Variants in USP10 observed in about 807,000 individuals in gnomAD.
The protein encoded by USP10 is ubiquitin specific peptidase 10.
A neutral mutation model predicts 84.5 loss-of-function variants in USP10; 22 were observed. The observed-to-expected ratio is 0.26, with a 90% CI of 0.19 to 0.37. The LOEUF is 0.37. USP10 is among the 10% of genes least tolerant of loss of function. The probability of loss-of-function intolerance (pLI) is 1.00; values close to 1 mark genes in which losing one functional copy is unlikely to be tolerated. For missense variants in USP10, 1,019 were observed against 998.9 expected, an observed-to-expected ratio of 1.02 and a Z score of -0.27; for synonymous variants, 454 against 387.6, an observed-to-expected ratio of 1.17 and a Z score of -2.01.
chr16:84,751,855 A>G (rs1327235213), intron 4 of USP10, among the ~76,000 whole-genome samples: 1 of 152,188 alleles, frequency 6.6e-6, no homozygotes, highest in Non-Finnish European at 1.5e-5. Context: ...TATGACCCCT[A>G]AGTCCTAATT....
intron 2 of USP10, among the ~76,000 whole-genome samples, chr16:84,734,840 C>T (rs1021757467): frequency 4.6e-5 from 7 of 152,106 alleles, no homozygotes; most frequent in Non-Finnish European, 8.8e-5. Flanking sequence ...GAGGTGGCAT[C>T]GAACTCCCTG....
chr16:84,769,775 G>C lies in USP10; in HGVS notation c.1998+1417G>C, dbSNP rs116255115. Among the ~76,000 whole-genome samples, 1,214 of 152,074 alleles carry C rather than the reference G, an allele frequency of 8.0e-3. 11 individuals carry two copies. Among genetic ancestry groups the C allele is most frequent in the African/African-American group, 0.027 (1,132 of 41,436 alleles). On this transcript the variant is annotated intron_variant, in intron 11 of 13. Coordinates refer to ENST00000219473, the MANE Select transcript of USP10 (RefSeq NM_005153.3). ...CCTAGGGAAGACCCTTTTGTGATGT[G>C]TCTGTTTTTCTCTTTTGCTTCTGCT...
intron 4 of USP10, among the ~76,000 whole-genome samples, chr16:84,750,216 T>C (rs1313001449): frequency 2.6e-5 from 4 of 152,112 alleles, no homozygotes; most frequent in Admixed American, 2.0e-4. Context: ...AAGACCAGCC[T>C]GGCCAACATA....
At chr16:84,752,416 G>A (rs1046790372) in intron 4 of USP10, among the ~76,000 whole-genome samples, 1 of 152,218 alleles carries the variant, frequency 6.6e-6, no homozygotes, top group Non-Finnish European at 1.5e-5. Flanking sequence ...TTGGAATGCA[G>A]GTCAAGTTTC....
intron 1 of USP10, among the ~76,000 whole-genome samples, chr16:84,719,667 C>T (rs1440142028): frequency 6.6e-6 from 1 of 152,218 alleles, no homozygotes; most frequent in Non-Finnish European, 1.5e-5. Context: ...GAAAACATCT[C>T]TTCTAGTGTA....
At position 84,745,522 on chromosome 16, in the gene USP10, T is replaced by C. The variant is rs2150823685; in HGVS notation, c.1041T>C (p.His347=). Residue 347 remains histidine (H), a synonymous_variant, in exon 4 of 14, where the codon CAT becomes CAC. Transcript: ENST00000219473. The part of the protein sequence containing the change: ...SQPKSWASLF[H]DSKPSSSSPV... ...CCAAGTCCTGGGCCAGCCTCTTTCA[T>C]GATTCTAAGCCCTCTTCCTCCTCGC... is the stretch of plus-strand genomic sequence containing the variant. 6.2e-7 allele frequency: 1 copy of C among 1,613,468 alleles called. No homozygotes were observed.
chr16:84,723,421 C>T (rs534742904), intron 1 of USP10, among the ~76,000 whole-genome samples: 50 of 152,174 alleles, frequency 3.3e-4, no homozygotes, highest in Admixed American at 3.9e-4. Context: ...AAGATGTACT[C>T]CTAGCTGGAA....
At chr16:84,700,183 C>A (rs1344581542) in intron 1 of USP10, 72 bp downstream of exon 1, 1 of 1,127,460 alleles carries the variant, frequency 8.9e-7, no homozygotes, top group Non-Finnish European at 1.1e-6. Flanking sequence ...GGCGGGCGGG[C>A]GTCCGCGCCC....
At chr16:84,778,741 A>G (rs183576608) in intron 13 of USP10, among the ~76,000 whole-genome samples, 154 bp from the exon 14 acceptor site, 1 of 152,334 alleles carries the variant, frequency 6.6e-6, no homozygotes, top group East Asian at 1.9e-4. Flanking sequence ...GAGTTGAAAT[A>G]GCATTGGTTT....
intron 2 of USP10, among the ~76,000 whole-genome samples, chr16:84,735,148 C>T (rs1456983057): frequency 1.3e-5 from 2 of 151,706 alleles, no homozygotes; most frequent in East Asian, 1.9e-4. Flanking sequence ...TCTCATGCTT[C>T]AGCCCCTGAA....
Position 84,703,460 on chromosome 16 carries a change from G to A in USP10, c.21+3349G>A, listed in dbSNP as rs540124499. On this transcript the variant is annotated intron_variant, in intron 1 of 13. Coordinates refer to ENST00000219473, the MANE Select transcript of USP10 (RefSeq NM_005153.3). ...GCAGATCCTCCACATTTTACATGAT[G>A]GAAAGTCTTGGATTCCCCCTCTAGC... is the stretch of plus-strand genomic sequence containing the variant. 3.3e-5 allele frequency among the ~76,000 whole-genome samples: 5 copies of A among 152,290 alleles called. No individual in the cohort carries two copies. In the East Asian group the frequency reaches 9.6e-4, roughly 29 times the overall value.
chr16:84,743,995 GAT>G (rs1187577539), intron 3 of USP10, among the ~76,000 whole-genome samples: 1 of 152,172 alleles, frequency 6.6e-6, no homozygotes, highest in African/African-American at 2.4e-5. Flanking sequence ...GAGACCAAGA[GAT>G]AGAGAATTCA....
chr16:84,739,768 T>A (rs1197809243), intron 2 of USP10, among the ~76,000 whole-genome samples: 2 of 152,232 alleles, frequency 1.3e-5, no homozygotes, highest in Non-Finnish European at 2.9e-5. Flanking sequence ...TAGCTGTTAA[T>A]GTAGTTAATT....
intron 1 of USP10, among the ~76,000 whole-genome samples, chr16:84,714,004 A>C (rs368348227): frequency 2.0e-5 from 3 of 152,224 alleles, no homozygotes; most frequent in African/African-American, 7.2e-5. Flanking sequence ...AGAGCCTTTT[A>C]GCCTGAAAAG....
At position 84,738,099 on chromosome 16, in the gene USP10, G is replaced by GTGCTGGCTCT. The variant is rs71151243; in HGVS notation, c.91-2208_91-2207insCTGGCTCTTG. Among the ~76,000 whole-genome samples the GTGCTGGCTCT allele has an allele frequency of 1.1e-4, 17 of 151,746 alleles. No individual in the cohort carries two copies. In the East Asian group the frequency reaches 3.1e-3, roughly 28 times the overall value. ...CAGGGTTCTAACAGCTCTCTGCCTT[G>GTGCTGGCTCT]TGAAGTGGATGGGTGAAGAGGTCCC... On this transcript the variant is annotated intron_variant, in intron 2 of 13. Coordinates refer to ENST00000219473, the MANE Select transcript of USP10 (RefSeq NM_005153.3).
At chr16:84,775,944 G>C (rs778344353) in intron 13 of USP10, among the ~76,000 whole-genome samples, 3 of 151,772 alleles carry the variant, frequency 2.0e-5, no homozygotes, top group Non-Finnish European at 1.5e-5. Flanking sequence ...CCGCACTTTT[G>C]TTTGCTTCCC....
At chr16:84,726,900 T>C (rs567827254) in intron 1 of USP10, among the ~76,000 whole-genome samples, 38 of 152,370 alleles carry the variant, frequency 2.5e-4, no homozygotes, top group Middle Eastern at 6.8e-3. Flanking sequence ...CGTTTGTTAC[T>C]GCTTTCTGAT....
Position 84,764,082 on chromosome 16 carries a change from T to A in USP10, c.1655-4T>A. On this transcript the variant is annotated splice_polypyrimidine_tract_variant and splice_region_variant and intron_variant, in intron 9 of 13. Coordinates refer to ENST00000219473, the MANE Select transcript of USP10 (RefSeq NM_005153.3). ...GTAGTGTAAGCAGATGCTCTCCTTTTCAGAACTTACGATTTCCAACGGCCC... is the reference window on the plus strand; with the variant it reads ...GTAGTGTAAGCAGATGCTCTCCTTTACAGAACTTACGATTTCCAACGGCCC... 1 of 1,611,970 alleles carries A rather than the reference T, an allele frequency of 6.2e-7. No individual in the cohort carries two copies. The highest frequency in any genetic ancestry group is 2.2e-5 in the East Asian group (1 of 44,852).
At chr16:84,760,436 C>CTGCT (rs1344006029) in intron 8 of USP10, among the ~76,000 whole-genome samples, 161 bp downstream of exon 8, 1 of 152,204 alleles carries the variant, frequency 6.6e-6, no homozygotes, top group African/African-American at 2.4e-5. Flanking sequence ...GCACCAAGCA[C>CTGCT]TGCTCTCAGT....
Sources: allele counts gnomAD v4.1 joint callset (sites outside exome capture counted in the v4.1 genomes callset), GRCh38; gene constraint gnomAD v4.1.1; transcripts MANE v1.5; gene names NCBI Gene and HGNC (gene_info 2026-07-23, HGNC 2026-07-21).